ITPRID1: variants seen among roughly 807,000 people sequenced by gnomAD.
The protein encoded by ITPRID1 is ITPR interacting domain containing 1.
Under a neutral mutation model 95.4 loss-of-function variants are expected in ITPRID1, and 96 were observed. The ratio of observed to expected loss-of-function variants is 1.01; its 90% CI spans 0.85 to 1.19. The LOEUF (loss-of-function observed/expected upper bound fraction) is 1.19. Among genes scored for constraint, ITPRID1 ranks in the 50% most tolerant of loss-of-function variants. The pLI, the probability that ITPRID1 is intolerant of heterozygous loss-of-function variation, is 0.00. For synonymous variants in ITPRID1, 510 were observed against 453.6 expected (o/e 1.12, Z -1.58); for missense variants, 1,339 against 1,252.9 (o/e 1.07, Z -1.04).
intron 10 of ITPRID1, among the ~76,000 whole-genome samples, chr7:31,624,802 C>T (rs947145775): frequency 8.5e-5 from 13 of 152,064 alleles, no homozygotes; most frequent in African/African-American, 3.1e-4. Context: ...AGCTTCTGCA[C>T]AGCAAAAGAA....
At chr7:31,614,446 C>G (rs1787022861) in intron 10 of ITPRID1, among the ~76,000 whole-genome samples, 1 of 152,048 alleles carries the variant, frequency 6.6e-6, no homozygotes, top group Non-Finnish European at 1.5e-5. Flanking sequence ...TTATTGAGCA[C>G]CCATTATGTG....
chr7:31,630,691 G>A (rs1788913614), intron 10 of ITPRID1, among the ~76,000 whole-genome samples: 1 of 152,056 alleles, frequency 6.6e-6, no homozygotes, highest in South Asian at 2.1e-4. Flanking sequence ...TATAGCTTAT[G>A]AAAATAGTTA....
chr7:31,591,707 T>C (rs1408231692), intron 10 of ITPRID1, among the ~76,000 whole-genome samples: 2 of 152,184 alleles, frequency 1.3e-5, no homozygotes, highest in African/African-American at 4.8e-5. Context: ...CAGGGTGACA[T>C]TGCCACTCTT....
At chr7:31,554,940 T>C (rs758349297) in intron 5 of ITPRID1, 39 bp downstream of exon 5, 2 of 1,409,606 alleles carry the variant, frequency 1.4e-6, no homozygotes, top group African/African-American at 2.8e-5. Context: ...GGAAGCTGAG[T>C]AGGAGATATA....
chr7:31,599,763 G>A (rs548967363), intron 10 of ITPRID1, among the ~76,000 whole-genome samples: 6 of 149,690 alleles, frequency 4.0e-5, no homozygotes, highest in East Asian at 2.0e-4. Context: ...GTGCAGTGGC[G>A]CGATCTCAGC....
chr7:31,631,238 G>A (rs1788963981), intron 10 of ITPRID1, among the ~76,000 whole-genome samples: 1 of 152,102 alleles, frequency 6.6e-6, no homozygotes, highest in African/African-American at 2.4e-5. Context: ...GCACAATTAT[G>A]CTACCAAAAT....
intron 10 of ITPRID1, among the ~76,000 whole-genome samples, chr7:31,620,477 A>G (rs38344): frequency 0.93 from 140,776 of 150,592 alleles, 66,099 homozygotes; most frequent in East Asian, 0.99. Flanking sequence ...TGCAGACACC[A>G]CTGCTGATAC....
intron 10 of ITPRID1, among the ~76,000 whole-genome samples, chr7:31,619,642 A>T (rs565842680): frequency 3.9e-5 from 6 of 152,132 alleles, no homozygotes; most frequent in Admixed American, 6.5e-5. Context: ...ATGGCCGAAT[A>T]GGAACAGCTC....
At chr7:31,641,689 T>TA (rs1194203343) in intron 10 of ITPRID1, among the ~76,000 whole-genome samples, 1 of 152,184 alleles carries the variant, frequency 6.6e-6, no homozygotes, top group Non-Finnish European at 1.5e-5. Context: ...AGCAGTGATC[T>TA]AAAACATGAG....
At chr7:31,519,279 G>A (rs749389436) in intron 1 of ITPRID1, among the ~76,000 whole-genome samples, 25 of 152,152 alleles carry the variant, frequency 1.6e-4, no homozygotes, top group Non-Finnish European at 2.4e-4. Flanking sequence ...GTTAGCACAG[G>A]GTATTGGTTG....
chr7:31,528,839 A>G (rs1783502140), intron 1 of ITPRID1, among the ~76,000 whole-genome samples: 1 of 152,180 alleles, frequency 6.6e-6, no homozygotes, highest in East Asian at 1.9e-4. Flanking sequence ...ATAATTTGAA[A>G]TGCACAAGAT....
At chr7:31,577,824 G>C in intron 8 of ITPRID1, 39 bp from the exon 9 acceptor site, 1 of 1,492,656 alleles carries the variant, frequency 6.7e-7, no homozygotes, top group Non-Finnish European at 9.0e-7. Context: ...CAGCAAAAAA[G>C]ACCCAATCTG....
chr7:31,534,750 T>G (rs1349479197), intron 1 of ITPRID1, among the ~76,000 whole-genome samples: 2 of 152,222 alleles, frequency 1.3e-5, no homozygotes, highest in East Asian at 3.9e-4. Context: ...CATGTACATT[T>G]AATGTAATTA....
chr7:31,550,286 A>T (rs1239397783), intron 2 of ITPRID1, among the ~76,000 whole-genome samples: 1 of 151,794 alleles, frequency 6.6e-6, no homozygotes, highest in East Asian at 1.9e-4. Flanking sequence ...GATAAATGAC[A>T]GCATAGTAAT....
intron 1 of ITPRID1, chr7:31,518,463 G>A (rs1319705789): frequency 6.6e-6 from 1 of 152,314 alleles, no homozygotes; most frequent in Non-Finnish European, 1.5e-5. Context: ...CAGGGTCCAC[G>A]GGGAATAGGA....
At chr7:31,582,016 C>A (rs960642014) in intron 9 of ITPRID1, among the ~76,000 whole-genome samples, 3 of 152,158 alleles carry the variant, frequency 2.0e-5, no homozygotes, top group East Asian at 1.9e-4. Context: ...GGTTAGAGGT[C>A]ATTTTTGGCC....
chr7:31,570,039 G>A (rs1298618021), intron 6 of ITPRID1, among the ~76,000 whole-genome samples: 1 of 152,104 alleles, frequency 6.6e-6, no homozygotes, highest in Non-Finnish European at 1.5e-5. Flanking sequence ...TGTTGATGTG[G>A]GGGAAAATTT....
intron 3 of ITPRID1, 63 bp downstream of exon 3, chr7:31,553,250 C>A (rs888856818): frequency 6.5e-5 from 95 of 1,459,154 alleles, no homozygotes; most frequent in Admixed American, 1.4e-4. Context: ...GATGTGGGAG[C>A]TTTTGGCCAG....
downstream of ITPRID1, chr7:31,658,200 G>T (rs1791382281): frequency 7.4e-7 from 1 of 1,349,908 alleles, no homozygotes; most frequent in African/African-American, 1.5e-5. Context: ...TCGTTTTTTA[G>T]CCCACAGAAG....
Sources: allele counts gnomAD v4.1 joint callset (sites outside exome capture counted in the v4.1 genomes callset), GRCh38; gene constraint gnomAD v4.1.1; transcripts MANE v1.5; gene names NCBI Gene and HGNC (gene_info 2026-07-23, HGNC 2026-07-21).